MYO1D: variants seen among roughly 807,000 people sequenced by gnomAD.
MYO1D encodes the protein unconventional myosin-Id.
In MYO1D, 83 loss-of-function variants were observed where a neutral mutation model predicts 122.0. That is an observed-to-expected ratio of 0.68 (90% CI 0.57 to 0.82). MYO1D has a LOEUF of 0.82. MYO1D is among the 40% of genes least tolerant of loss of function. MYO1D has a pLI of 0.00. For missense variants in MYO1D, 1,157 were observed against 1,269.5 expected (o/e 0.91, Z 1.35); for synonymous variants, 464 against 446.9 (o/e 1.04, Z -0.48).
At chr17:32,782,821 G>C (rs1208958543) in intron 1 of MYO1D, among the ~76,000 whole-genome samples, 1 of 152,044 alleles carries the variant, frequency 6.6e-6, no homozygotes, top group Non-Finnish European at 1.5e-5. Flanking sequence ...TATAATCCTA[G>C]CTACTTGGGA....
At chr17:32,543,257 A>G (rs1910901311) in intron 21 of MYO1D, among the ~76,000 whole-genome samples, 1 of 149,874 alleles carries the variant, frequency 6.7e-6, no homozygotes, top group Non-Finnish European at 1.5e-5. Context: ...CAAATTACAT[A>G]TCTGATTATT....
At chr17:32,588,876 G>A (rs1221129535) in intron 21 of MYO1D, among the ~76,000 whole-genome samples, 3 of 152,074 alleles carry the variant, frequency 2.0e-5, no homozygotes, top group Non-Finnish European at 4.4e-5. Context: ...TCAGGAGGTG[G>A]AGGGTGCAGT....
At chr17:32,561,549 G>T (rs1213346679) in intron 21 of MYO1D, among the ~76,000 whole-genome samples, 2 of 151,750 alleles carry the variant, frequency 1.3e-5, no homozygotes, top group Non-Finnish European at 2.9e-5. Flanking sequence ...AATTAGCTGG[G>T]CGTGGTGGTG....
Position 32,511,838 on chromosome 17 carries a change from T to C in MYO1D, c.2865-16923A>G, listed in dbSNP as rs565025145. 1.1e-4 allele frequency among the ~76,000 whole-genome samples: 17 copies of C among 152,342 alleles called. No individual in the cohort carries two copies. The East Asian group carries it at 3.1e-3, about 28-fold the overall frequency. On this transcript the variant is annotated intron_variant, in intron 21 of 21. Transcript: ENST00000318217. ...GTGGTTTGTCGGGAACGCCATTATA[T>C]ATTTGCTTATTCAGCTCACCATTAT...
chr17:32,521,536 T>C (rs1910138482), intron 21 of MYO1D, among the ~76,000 whole-genome samples: 1 of 152,218 alleles, frequency 6.6e-6, no homozygotes, highest in Admixed American at 6.5e-5. Flanking sequence ...TAAATATAGA[T>C]GCTAGTGAAA....
rs371767066 is a variant in MYO1D, at chr17:32,690,298, C to T, written c.2121+21690G>A. Among the ~76,000 whole-genome samples, 78 of 151,776 alleles carry T rather than the reference C, an allele frequency of 5.1e-4. No individual in the cohort carries two copies. In the South Asian group the frequency reaches 0.015, roughly 30 times the overall value. ...TCAAGCAATTCTCCTGCCTCTGCCT[C>T]CCAAGTAGCTAGGACTACAGGCACA... is the stretch of plus-strand genomic sequence containing the variant. On this transcript the variant is annotated intron_variant, in intron 16 of 21. Coordinates refer to ENST00000318217, the MANE Select transcript of MYO1D (RefSeq NM_015194.3).
chr17:32,722,677 G>C (rs1442152969), intron 14 of MYO1D, among the ~76,000 whole-genome samples: 2 of 152,182 alleles, frequency 1.3e-5, no homozygotes, highest in Non-Finnish European at 2.9e-5. Context: ...CCTTGCCACA[G>C]CACATATCAT....
chr17:32,844,724 C>T (rs552246581), intron 1 of MYO1D, among the ~76,000 whole-genome samples: 1 of 151,622 alleles, frequency 6.6e-6, no homozygotes, highest in Non-Finnish European at 1.5e-5. Context: ...GACCCTATCT[C>T]TAAAAAAACA....
At chr17:32,821,541 T>C (rs7224466) in intron 1 of MYO1D, among the ~76,000 whole-genome samples, 78,149 of 130,988 alleles carry the variant, frequency 0.6, 20,849 homozygotes, top group East Asian at 0.73. Context: ...AAATCACACA[T>C]ACACACACAC....
At chr17:32,686,964 A>AACACACACAC (rs57125657) in intron 16 of MYO1D, among the ~76,000 whole-genome samples, 186 of 145,522 alleles carry the variant, frequency 1.3e-3, no homozygotes, top group African/African-American at 3.7e-3. Context: ...CCTGTTTCAA[A>AACACACACAC]ACACACACAC....
At chr17:32,514,843 T>C (rs1444969855) in intron 21 of MYO1D, among the ~76,000 whole-genome samples, 10 of 152,200 alleles carry the variant, frequency 6.6e-5, no homozygotes, top group East Asian at 1.9e-4. Context: ...CCTGTATTTC[T>C]AGGAATGTTG....
intron 10 of MYO1D, chr17:32,756,403 C>T (rs1401528764): frequency 4.8e-6 from 1 of 207,558 alleles, no homozygotes; most frequent in African/African-American, 2.3e-5. Flanking sequence ...TCTTCAGATA[C>T]TCTTGTGCTG....
At chr17:32,576,085 A>T (rs1430838578) in intron 21 of MYO1D, among the ~76,000 whole-genome samples, 1 of 152,186 alleles carries the variant, frequency 6.6e-6, no homozygotes, top group African/African-American at 2.4e-5. Context: ...TCAAGAACAA[A>T]ATCAGAGTAA....
At chr17:32,532,852 G>A (rs1378600795) in intron 21 of MYO1D, among the ~76,000 whole-genome samples, 1 of 152,050 alleles carries the variant, frequency 6.6e-6, no homozygotes, top group East Asian at 1.9e-4. Context: ...TCTACACTAA[G>A]GTTATTTTGT....
At chr17:32,573,517 T>C (rs991184685) in intron 21 of MYO1D, among the ~76,000 whole-genome samples, 8 of 151,434 alleles carry the variant, frequency 5.3e-5, no homozygotes, top group African/African-American at 2.0e-4. Context: ...GACTGTGCTG[T>C]TTTTCTTCTT....
intron 16 of MYO1D, among the ~76,000 whole-genome samples, chr17:32,676,018 C>T (rs2088803878): frequency 6.6e-6 from 1 of 152,162 alleles, no homozygotes. Context: ...ATTCAGTTAA[C>T]CAATCCCCTA....
chr17:32,503,714 C>T (rs549495815), intron 21 of MYO1D, among the ~76,000 whole-genome samples: 28 of 152,306 alleles, frequency 1.8e-4, no homozygotes, highest in East Asian at 3.9e-4. Flanking sequence ...AGAGACAGGC[C>T]GTCCTCCATC....
chr17:32,595,955 C>T (rs182522121), intron 21 of MYO1D, among the ~76,000 whole-genome samples: 19 of 152,178 alleles, frequency 1.2e-4, no homozygotes, highest in Middle Eastern at 6.8e-3. Flanking sequence ...GTGAAGGATG[C>T]CCCTCTTGGC....
intron 21 of MYO1D, among the ~76,000 whole-genome samples, chr17:32,583,742 C>CT (rs1373759039): frequency 1.3e-5 from 2 of 150,038 alleles, no homozygotes; most frequent in African/African-American, 4.9e-5. Flanking sequence ...TTTGTTTGTT[C>CT]TTTGTTTTTT....
Sources: gnomAD v4.1 joint callset for allele counts (sites outside exome capture counted in the v4.1 genomes callset) on GRCh38, gnomAD v4.1.1 for gene constraint, MANE v1.5 for transcripts, NCBI Gene and HGNC (gene_info 2026-07-23, HGNC 2026-07-21) for gene names.